STIM2: variants seen among roughly 807,000 people sequenced by gnomAD.
STIM2 encodes stromal interaction molecule 2.
A neutral mutation model predicts 85.8 loss-of-function variants in STIM2; 31 were observed. The observed-to-expected ratio is 0.36, with a 90% CI of 0.27 to 0.49. STIM2 has a LOEUF of 0.49. Among genes scored for constraint, STIM2 ranks in the 20% least tolerant of loss-of-function variants. The pLI is 0.98. For synonymous variants in STIM2, 356 were observed against 331.1 expected, an observed-to-expected ratio of 1.08 and a Z score of -0.82; for missense variants, 841 against 927.6, an observed-to-expected ratio of 0.91 and a Z score of 1.21.
At chr4:26,975,650 A>G (rs140312451) in intron 3 of STIM2, among the ~76,000 whole-genome samples, 2,556 of 152,274 alleles carry the variant, frequency 0.017, 36 homozygotes, top group Non-Finnish European at 0.027. Flanking sequence ...GCAGCCGCGT[A>G]TATGAGGTGT....
intron 3 of STIM2, among the ~76,000 whole-genome samples, chr4:26,964,571 TG>T (rs1726636589): frequency 6.6e-6 from 1 of 152,164 alleles, no homozygotes; most frequent in Admixed American, 6.6e-5. Flanking sequence ...TTTTCCCCTG[TG>T]TTTAGAATGA....
intron 2 of STIM2, among the ~76,000 whole-genome samples, chr4:26,947,900 T>G (rs141556998): frequency 2.0e-5 from 3 of 152,260 alleles, no homozygotes; most frequent in Non-Finnish European, 4.4e-5. Flanking sequence ...TAAGAACCTA[T>G]CCAAAGGAAA....
chr4:27,005,611 CAAT>C (rs766931431), intron 7 of STIM2, among the ~76,000 whole-genome samples: 4 of 152,062 alleles, frequency 2.6e-5, no homozygotes, highest in African/African-American at 4.8e-5. Flanking sequence ...CTGTAAACAA[CAAT>C]GTGATTTAAA....
chr4:26,866,364 T>C (rs1259594865), intron 1 of STIM2, among the ~76,000 whole-genome samples: 1 of 152,180 alleles, frequency 6.6e-6, no homozygotes, highest in African/African-American at 2.4e-5. Context: ...TGGTATGTTG[T>C]ATGCATCCTT....
intron 4 of STIM2, among the ~76,000 whole-genome samples, chr4:26,997,014 G>A (rs577360702): frequency 3.7e-4 from 57 of 152,218 alleles, no homozygotes; most frequent in African/African-American, 1.3e-3. Context: ...TAGTGAACAT[G>A]TTACTATAGA....
intron 1 of STIM2, among the ~76,000 whole-genome samples, chr4:26,862,059 T>C (rs1722231555): frequency 6.6e-6 from 1 of 152,224 alleles, no homozygotes; most frequent in East Asian, 1.9e-4. Context: ...TACCTAAAAT[T>C]TGCAAAGTGC....
At chr4:26,890,692 C>T (rs571699288) in intron 1 of STIM2, among the ~76,000 whole-genome samples, 14 of 151,236 alleles carry the variant, frequency 9.3e-5, no homozygotes, top group African/African-American at 2.2e-4. Flanking sequence ...GGCGTAGTGG[C>T]GGGCGCCTGT....
Position 27,023,788 on chromosome 4 carries a change from A to G in STIM2, c.*792A>G, listed in dbSNP as rs1172999747. The G allele has an allele frequency of 6.6e-6, 1 of 152,664 alleles. No individual in the cohort carries two copies. Among genetic ancestry groups the G allele is most frequent in the African/African-American group, 2.4e-5 (1 of 41,460 alleles). The allele number at this position is 152,664 out of a possible 1,614,324, so 9.5% of individuals were successfully genotyped here. A position where few individuals can be genotyped will look rare whatever the true frequency, so the allele number is the denominator to read the frequency against. ...AAAGAGAGAAGGCTCTTGATTCCTT[A>G]TGCAAGTGGAAGAGTTGAAACTTGA... On this transcript the variant is annotated 3_prime_UTR_variant, in exon 12 of 12. Transcript: ENST00000467087.
rs147430970 is a variant in STIM2 at position 27,017,623 on chromosome 4, C to G, written c.1490-88C>G. 1.4e-4 allele frequency: 209 copies of G among 1,487,186 alleles called. No individual in the cohort carries two copies. The African/African-American group carries it at 2.4e-3, about 17-fold the overall frequency. The allele number at this position is 1,487,186 out of a possible 1,614,324, so 92.1% of individuals were successfully genotyped here. ...AGATGAAACAGTGACATATTAGTGA[C>G]ATCAGTTCTCTTGTGTGTATGTATT... On this transcript the variant is annotated intron_variant, in intron 10 of 11. Transcript: ENST00000467087.
chr4:26,869,344 C>T (rs1722523316), intron 1 of STIM2, among the ~76,000 whole-genome samples: 1 of 147,366 alleles, frequency 6.8e-6, no homozygotes, highest in Admixed American at 6.8e-5. Context: ...TTGTTTGGTT[C>T]TAGGTCTGTT....
At chr4:26,946,066 G>A (rs941624203) in intron 2 of STIM2, among the ~76,000 whole-genome samples, 16 of 152,118 alleles carry the variant, frequency 1.1e-4, no homozygotes, top group Non-Finnish European at 1.3e-4. Context: ...AGTGAAAAAA[G>A]TAAATGGAAT....
intron 3 of STIM2, among the ~76,000 whole-genome samples, chr4:26,970,568 A>G (rs1381467053): frequency 8.5e-5 from 13 of 152,276 alleles, no homozygotes; most frequent in Non-Finnish European, 1.3e-4. Context: ...TGCAAAGGAC[A>G]TGAACTCATC....
intron 1 of STIM2, among the ~76,000 whole-genome samples, chr4:26,885,863 A>G (rs1293501155): frequency 6.5e-5 from 8 of 123,288 alleles, no homozygotes; most frequent in South Asian, 5.1e-4. Flanking sequence ...ATATATATAT[A>G]TATATATATA....
chr4:27,004,954 C>G lies in STIM2; in HGVS notation c.981+1850C>G, dbSNP rs146351573. Among the ~76,000 whole-genome samples the G allele has an allele frequency of 4.0e-3, 615 of 152,254 alleles. 3 individuals carry two copies. Among genetic ancestry groups the G allele is most frequent in the African/African-American group, 0.014 (577 of 41,532 alleles). On this transcript the variant is annotated intron_variant, in intron 7 of 11. Coordinates refer to ENST00000467087, the MANE Select transcript of STIM2 (RefSeq NM_020860.4). ...GGTATTATCTTCATTTACAAATGAG[C>G]TGTGTAGAGAGGCTAGATAACTTAC...
chr4:26,974,835 C>G (rs1480227979), intron 3 of STIM2, among the ~76,000 whole-genome samples: 1 of 152,194 alleles, frequency 6.6e-6, no homozygotes, highest in South Asian at 2.1e-4. Context: ...AGAGTGTTTT[C>G]CAACTTGGGT....
At chr4:26,955,340 A>G (rs567678701) in intron 2 of STIM2, among the ~76,000 whole-genome samples, 4 of 147,998 alleles carry the variant, frequency 2.7e-5, no homozygotes, top group South Asian at 4.3e-4. Context: ...TGTAGTAAAG[A>G]TAATTTTTTA....
chr4:26,951,978 C>T (rs908551475), intron 2 of STIM2, among the ~76,000 whole-genome samples: 3 of 151,922 alleles, frequency 2.0e-5, no homozygotes, highest in Admixed American at 6.6e-5. Context: ...TCTTACATGG[C>T]GGCAGCAAGA....
At chr4:26,896,674 A>G (rs774137116) in intron 1 of STIM2, among the ~76,000 whole-genome samples, 35 of 152,246 alleles carry the variant, frequency 2.3e-4, no homozygotes, top group Middle Eastern at 3.2e-3. Context: ...AATATAGTAC[A>G]TTATCAAAAC....
At chr4:27,018,983 A>T (rs1038215869) in intron 11 of STIM2, among the ~76,000 whole-genome samples, 6 of 152,260 alleles carry the variant, frequency 3.9e-5, no homozygotes, top group Non-Finnish European at 8.8e-5. Context: ...AAATGGGCAT[A>T]GCAGCAGCGT....
Sources: allele counts gnomAD v4.1 joint callset (sites outside exome capture counted in the v4.1 genomes callset), GRCh38; gene constraint gnomAD v4.1.1; transcripts MANE v1.5; gene names NCBI Gene and HGNC (gene_info 2026-07-23, HGNC 2026-07-21).